PTPRA: variants seen among roughly 807,000 people sequenced by gnomAD.
The protein encoded by PTPRA is protein tyrosine phosphatase receptor type A.
PTPRA carries 25 observed loss-of-function variants against 104.8 expected under a neutral mutation model. That is an observed-to-expected ratio of 0.24 (90% CI 0.17 to 0.33). The LOEUF (loss-of-function observed/expected upper bound fraction) is 0.33. PTPRA is among the 10% of genes least tolerant of loss of function. The pLI is 1.00. For synonymous variants in PTPRA, 323 were observed against 368.9 expected, an observed-to-expected ratio of 0.88 and a Z score of 1.43; for missense variants, 765 against 1,015.3, an observed-to-expected ratio of 0.75 and a Z score of 3.35.
Position 3,037,962 on chromosome 20 carries a change from A to AT in PTPRA, c.2335-93dup. The AT allele has an allele frequency of 9.3e-7, 1 of 1,075,332 alleles. No homozygotes were observed. Among genetic ancestry groups the AT allele is most frequent in the South Asian group, 1.4e-5 (1 of 73,426 alleles). 66.6% of individuals were successfully genotyped at this position (1,075,332 alleles called of 1,614,324 possible). On this transcript the variant is annotated intron_variant, in intron 23 of 23. Coordinates refer to ENST00000399903, the MANE Select transcript of PTPRA (RefSeq NM_001385305.1). The surrounding 1 kb of genome is among the most constrained non-coding windows in gnomAD (Gnocchi z 4.3). ...GTTCAAAAACATTCAGTTCCTCTTG[A>AT]TTTTCCATCTTCAACAAAAAAATGA...
At chr20:2,910,959 T>C (rs1249745137) in intron 1 of PTPRA, among the ~76,000 whole-genome samples, 1 of 150,462 alleles carries the variant, frequency 6.6e-6, no homozygotes, top group Non-Finnish European at 1.5e-5. Context: ...TCTCACTGTG[T>C]TGCCCAGGCT....
rs369483445 is a variant in PTPRA at position 2,911,975 on chromosome 20, A to T, written c.-128-11232A>T. 8.6e-5 allele frequency among the ~76,000 whole-genome samples: 13 copies of T among 150,492 alleles called. No homozygotes were observed. The East Asian group carries it at 1.8e-3, about 21-fold the overall frequency. ...AGAAATTAGAAGGCCGGGCATGGGG[A>T]CTCAGGCCTATAATCCCAGTACTTT... On this transcript the variant is annotated intron_variant, in intron 1 of 23. Transcript: ENST00000399903.
At chr20:2,939,069 C>T (rs981243833) in intron 2 of PTPRA, among the ~76,000 whole-genome samples, 7 of 152,134 alleles carry the variant, frequency 4.6e-5, no homozygotes, top group South Asian at 2.1e-4. Flanking sequence ...CCACTTTTGT[C>T]GACTGTGGTT....
upstream of PTPRA, among the ~76,000 whole-genome samples, chr20:2,869,358 A>G (rs1238793148): frequency 6.6e-6 from 1 of 152,154 alleles, no homozygotes; most frequent in Non-Finnish European, 1.5e-5. Context: ...CAAAATCTAC[A>G]TACATTGCAA....
At chr20:2,884,462 G>A (rs532899078) in intron 1 of PTPRA, among the ~76,000 whole-genome samples, 2 of 152,084 alleles carry the variant, frequency 1.3e-5, no homozygotes, top group Non-Finnish European at 2.9e-5. Context: ...TTTGATTATA[G>A]CCATCTTAGT....
intron 5 of PTPRA, 108 bp from the exon 6 acceptor site, chr20:2,975,107 T>G: frequency 1.0e-6 from 1 of 989,694 alleles, no homozygotes; most frequent in South Asian, 1.8e-5. Flanking sequence ...GGATGCCTCA[T>G]GGAGGAAAGC....
chr20:2,988,289 G>A, intron 8 of PTPRA, 49 bp from the exon 9 acceptor site: 1 of 1,566,514 alleles, frequency 6.4e-7, no homozygotes, highest in Non-Finnish European at 8.6e-7. Context: ...CCAGAAGAGG[G>A]GCTAGGTTCT....
chr20:2,873,118 G>A (rs972393385), upstream of PTPRA, among the ~76,000 whole-genome samples: 2 of 152,200 alleles, frequency 1.3e-5, no homozygotes, highest in Non-Finnish European at 2.9e-5. This position sits in a 1 kb window ranked among gnomAD's most constrained non-coding sequence, Gnocchi z 4.4. Flanking sequence ...TGGCTCTCGA[G>A]TTGCAGGCCG....
chr20:3,003,321 A>G (rs1221305332), intron 9 of PTPRA, among the ~76,000 whole-genome samples: 1 of 152,184 alleles, frequency 6.6e-6, no homozygotes, highest in Non-Finnish European at 1.5e-5. Flanking sequence ...TTGTTCCTCT[A>G]CTGCTGAATA....
chr20:3,030,876 C>T (rs565013434), intron 20 of PTPRA, among the ~76,000 whole-genome samples: 1 of 151,908 alleles, frequency 6.6e-6, no homozygotes, highest in African/African-American at 2.4e-5. Context: ...GACAGGGTTT[C>T]GTCATGTTGG....
chr20:2,881,914 C>T (rs979725076), intron 1 of PTPRA, among the ~76,000 whole-genome samples: 2 of 152,082 alleles, frequency 1.3e-5, no homozygotes, highest in African/African-American at 4.8e-5. Flanking sequence ...GCAGGAGAAT[C>T]GCTTGAACCT....
At chr20:3,033,552 A>C (rs1344843664) in intron 20 of PTPRA, among the ~76,000 whole-genome samples, 2 of 151,860 alleles carry the variant, frequency 1.3e-5, no homozygotes, top group Non-Finnish European at 2.9e-5. Flanking sequence ...TAGTTTTTCA[A>C]ATGGCAGCTG....
chr20:2,986,634 CTG>C (rs1367692837), intron 6 of PTPRA, 129 bp from the exon 7 acceptor site: 10 of 778,912 alleles, frequency 1.3e-5, no homozygotes, highest in Non-Finnish European at 2.0e-5. Flanking sequence ...ACTTTCTTCT[CTG>C]TTTCCATTTC....
At chr20:3,032,215 GAAA>G (rs1445842444) in intron 20 of PTPRA, among the ~76,000 whole-genome samples, 1 of 152,106 alleles carries the variant, frequency 6.6e-6, no homozygotes, top group African/African-American at 2.4e-5. Flanking sequence ...TGTTACAGTG[GAAA>G]AGGGTTTCTG....
chr20:2,906,369 T>C (rs892572885), intron 1 of PTPRA, among the ~76,000 whole-genome samples: 2 of 152,214 alleles, frequency 1.3e-5, no homozygotes, highest in Admixed American at 6.5e-5. Context: ...CAAGCTTTTA[T>C]ATGCTTCGGC....
In PTPRA at chr20:2,923,277, A is replaced by G; in HGVS notation, c.-58A>G. On this transcript the variant is annotated 5_prime_UTR_variant, in exon 2 of 24. Transcript: ENST00000399903. ...AGTGGTAATGGATGATGCAGTTCAAATAACTAAGGTAAGAGAAATAAAACC... is the reference window on the plus strand; with the variant it reads ...AGTGGTAATGGATGATGCAGTTCAAGTAACTAAGGTAAGAGAAATAAAACC... The G allele has an allele frequency of 7.8e-7, 1 of 1,287,082 alleles. No individual in the cohort carries two copies. The highest frequency in any genetic ancestry group is 1.0e-6 in the Non-Finnish European group (1 of 987,678). The allele number at this position is 1,287,082 out of a possible 1,614,324, so 79.7% of individuals were successfully genotyped here.
intron 11 of PTPRA, among the ~76,000 whole-genome samples, chr20:3,010,623 G>A (rs1299503423): frequency 6.6e-6 from 1 of 151,808 alleles, no homozygotes; most frequent in Non-Finnish European, 1.5e-5. Context: ...GCGAGACTCT[G>A]TCTCAAAAAA....
the PTPRA span, chr20:2,866,505 C>T: frequency 6.2e-7 from 1 of 1,614,206 alleles, no homozygotes. Flanking sequence ...TGTCCCACTG[C>T]ACGGGAGCCA....
intron 3 of PTPRA, among the ~76,000 whole-genome samples, chr20:2,958,118 G>A (rs2061603480): frequency 6.6e-6 from 1 of 152,174 alleles, no homozygotes. Context: ...AGGAAATAAA[G>A]ATAGAGCAGA....
Sources: gnomAD v4.1 joint callset for allele counts (sites outside exome capture counted in the v4.1 genomes callset) on GRCh38, gnomAD v4.1.1 for gene constraint, Gnocchi (gnomAD v3.1) non-coding constraint, MANE v1.5 for transcripts, NCBI Gene and HGNC (gene_info 2026-07-23, HGNC 2026-07-21) for gene names.